The following MYCBP2 variants were observed in gnomAD, a reference collection of about 807,000 sequenced individuals.
MYCBP2 encodes the protein E3 ubiquitin-protein ligase MYCBP2.
MYCBP2 carries 120 observed loss-of-function variants against 525.3 expected under a neutral mutation model. That is an observed-to-expected ratio of 0.23 (90% CI 0.20 to 0.27). MYCBP2 has a LOEUF of 0.27. Ranked by LOEUF, MYCBP2 falls within the 10% of genes least tolerant of loss-of-function variation. The pLI is 1.00. For missense variants in MYCBP2, 4,149 were observed against 5,657.1 expected, an observed-to-expected ratio of 0.73 and a Z score of 8.55; for synonymous variants, 1,894 against 1,955.8, an observed-to-expected ratio of 0.97 and a Z score of 0.83.
intron 16 of MYCBP2, among the ~76,000 whole-genome samples, chr13:77,243,482 G>A (rs866603274): frequency 2.0e-5 from 3 of 151,794 alleles, no homozygotes; most frequent in Admixed American, 6.6e-5. Context: ...GTGTGGTAGC[G>A]GGCACCTGTA....
At chr13:77,251,392 T>C (rs2071178794) in intron 14 of MYCBP2, 37 bp from the exon 15 acceptor site, 1 of 1,540,726 alleles carries the variant, frequency 6.5e-7, no homozygotes, top group Non-Finnish European at 9.0e-7. Context: ...TTATACAGGT[T>C]ACTTTCATGT....
At chr13:77,055,394 G>A (rs1424360604) in intron 80 of MYCBP2, among the ~76,000 whole-genome samples, 164 bp downstream of exon 80, 1 of 152,148 alleles carries the variant, frequency 6.6e-6, no homozygotes, top group Non-Finnish European at 1.5e-5. Flanking sequence ...AACAAGTTAA[G>A]TAAACAAGTT....
At chr13:77,059,080 G>A (rs557442616) in intron 77 of MYCBP2, among the ~76,000 whole-genome samples, 1 of 150,600 alleles carries the variant, frequency 6.6e-6, no homozygotes, top group South Asian at 2.1e-4. Flanking sequence ...TTTTTAAAAA[G>A]GTACCTTTGA....
At chr13:77,131,314 C>T (rs945978134) in intron 52 of MYCBP2, among the ~76,000 whole-genome samples, 5 of 151,876 alleles carry the variant, frequency 3.3e-5, no homozygotes, top group African/African-American at 1.2e-4. Flanking sequence ...TCCAGGAGTT[C>T]GAGACCAGCC....
At chr13:77,199,842 A>G (rs1446344659) in intron 26 of MYCBP2, among the ~76,000 whole-genome samples, 16 of 151,638 alleles carry the variant, frequency 1.1e-4, no homozygotes, top group South Asian at 2.1e-4. Context: ...CTGTCTGTTA[A>G]AAGGAAAACT....
intron 52 of MYCBP2, chr13:77,129,346 A>C: frequency 2.6e-6 from 1 of 388,768 alleles, no homozygotes; most frequent in Non-Finnish European, 4.6e-6. Flanking sequence ...CCAACATGGA[A>C]ATATTATTTT....
At chr13:77,254,707 C>T (rs2071852689) in intron 14 of MYCBP2, among the ~76,000 whole-genome samples, 1 of 151,656 alleles carries the variant, frequency 6.6e-6, no homozygotes, top group African/African-American at 2.4e-5. Flanking sequence ...GAACTTATTC[C>T]TTCTCTCTAA....
Position 77,177,736 on chromosome 13 carries a change from G to A in MYCBP2, c.5340+12C>T, listed in dbSNP as rs1219935971. 6.3e-7 allele frequency: 1 copy of A among 1,598,648 alleles called. No homozygotes were observed. The highest frequency in any genetic ancestry group is 1.3e-5 in the African/African-American group (1 of 74,670). ...CACTAATCAGGATAAATACTAAAAG[G>A]GTGATACTTACATCATCAACCAACA... On this transcript the variant is annotated intron_variant, in intron 35 of 82. Transcript: ENST00000544440.
At chr13:77,095,309 T>C (rs747594202) in intron 58 of MYCBP2, 49 bp downstream of exon 58, 4 of 1,600,808 alleles carry the variant, frequency 2.5e-6, no homozygotes, top group Non-Finnish European at 3.4e-6. Flanking sequence ...CAATAAACAA[T>C]CGCTGTTAAT....
rs1376542130 is a variant in MYCBP2 at position 77,209,241 on chromosome 13, T to C, written c.3416+1926A>G. Among the ~76,000 whole-genome samples the C allele has an allele frequency of 2.0e-5, 3 of 152,228 alleles. No homozygotes were observed. In the South Asian group the frequency reaches 6.2e-4, roughly 32 times the overall value. ...AAGACAAGGTTCAACCAGCTGAACA[T>C]CATACTTGAGAGTTCTGTTAAGACC... is the stretch of plus-strand genomic sequence containing the variant. On this transcript the variant is annotated intron_variant, in intron 23 of 82. Coordinates refer to ENST00000544440, the MANE Select transcript of MYCBP2 (RefSeq NM_015057.5).
intron 55 of MYCBP2, chr13:77,103,075 A>C (rs143369248): frequency 2.6e-6 from 1 of 388,886 alleles, no homozygotes; most frequent in African/African-American, 2.1e-5. Flanking sequence ...AACATATATA[A>C]ATGTAAATAA....
intron 80 of MYCBP2, 74 bp from the exon 81 acceptor site, chr13:77,051,992 G>T: frequency 9.0e-7 from 1 of 1,111,832 alleles, no homozygotes; most frequent in Non-Finnish European, 1.3e-6. Context: ...TATGGGCATA[G>T]TGAAAGTAAG....
chr13:77,235,073 G>T (rs569260942), intron 17 of MYCBP2, among the ~76,000 whole-genome samples: 1 of 152,116 alleles, frequency 6.6e-6, no homozygotes, highest in Admixed American at 6.5e-5. Context: ...TTTAAATATA[G>T]TTGAGTCACT....
intron 30 of MYCBP2, among the ~76,000 whole-genome samples, chr13:77,187,931 C>T (rs1009196857): frequency 5.9e-5 from 9 of 151,808 alleles, no homozygotes; most frequent in South Asian, 2.1e-4. Context: ...ATTAGCTGGG[C>T]GTGGTGGCAG....
intron 55 of MYCBP2, among the ~76,000 whole-genome samples, chr13:77,115,898 T>C (rs564324887): frequency 2.0e-5 from 3 of 151,778 alleles, no homozygotes; most frequent in South Asian, 4.1e-4. Flanking sequence ...TGAACAAAGC[T>C]AATACTCTAG....
intron 30 of MYCBP2, 118 bp from the exon 31 acceptor site, chr13:77,186,181 T>G: frequency 1.4e-6 from 1 of 703,860 alleles, no homozygotes; most frequent in South Asian, 3.4e-5. Context: ...TTTTACTGAG[T>G]TTTTTAATTG....
At chr13:77,088,713 T>C in intron 61 of MYCBP2, 119 bp downstream of exon 61, 1 of 758,130 alleles carries the variant, frequency 1.3e-6, no homozygotes. Context: ...ATACTTTTAA[T>C]TGGCTAATGC....
chr13:77,291,069 T>C lies in MYCBP2; in HGVS notation c.379-2693A>G, dbSNP rs551848833. Among the ~76,000 whole-genome samples the C allele has an allele frequency of 2.0e-5, 3 of 152,232 alleles. No homozygotes were observed. In the East Asian group the frequency reaches 5.8e-4, roughly 29 times the overall value. On this transcript the variant is annotated intron_variant, in intron 2 of 82. Transcript: ENST00000544440. ...TGTTCATGGATTGGAAAATTCAATATCATTAAAATGGCAATTCTTCCCCCA... is the reference window on the plus strand; with the variant it reads ...TGTTCATGGATTGGAAAATTCAATACCATTAAAATGGCAATTCTTCCCCCA...
intron 35 of MYCBP2, among the ~76,000 whole-genome samples, 169 bp downstream of exon 35, chr13:77,177,579 C>G (rs2059832238): frequency 6.6e-6 from 1 of 152,064 alleles, no homozygotes; most frequent in Admixed American, 6.5e-5. Flanking sequence ...GCCTCAGCCT[C>G]TCAAAGAGCT....
Sources: gnomAD v4.1 joint callset for allele counts (sites outside exome capture counted in the v4.1 genomes callset) on GRCh38, gnomAD v4.1.1 for gene constraint, MANE v1.5 for transcripts, NCBI Gene and HGNC (gene_info 2026-07-23, HGNC 2026-07-21) for gene names.